The following POLR3A variants were observed in gnomAD, a reference collection of about 807,000 sequenced individuals.
POLR3A encodes RNA polymerase III subunit A, also known as DNA-directed RNA polymerase III subunit RPC1.
In POLR3A, 112 loss-of-function variants were observed where a neutral mutation model predicts 152.8. That is an observed-to-expected ratio of 0.73 (90% confidence interval 0.63 to 0.86). The LOEUF (loss-of-function observed/expected upper bound fraction) is 0.86. POLR3A is among the 40% of genes least tolerant of loss of function. POLR3A has a pLI of 0.00. For missense variants in POLR3A, 1,385 were observed against 1,743.1 expected (o/e 0.79, Z 3.66); for synonymous variants, 615 against 652.1 (o/e 0.94, Z 0.87).
chr10:77,998,109 G>C (rs1211883511), intron 19 of POLR3A, among the ~76,000 whole-genome samples: 3 of 152,162 alleles, frequency 2.0e-5, no homozygotes, highest in Non-Finnish European at 2.9e-5. Context: ...TATGTAGAAA[G>C]CTGAAACTGG....
chr10:77,996,845 C>T (rs1465185091), intron 19 of POLR3A, among the ~76,000 whole-genome samples: 1 of 152,154 alleles, frequency 6.6e-6, no homozygotes, highest in African/African-American at 2.4e-5. Context: ...CAAAGCCTGG[C>T]AGAGACACAA....
At chr10:77,989,425 A>T (rs185750259) in intron 21 of POLR3A, among the ~76,000 whole-genome samples, 1 of 152,306 alleles carries the variant, frequency 6.6e-6, no homozygotes, top group East Asian at 1.9e-4. Context: ...GGACCCTCTC[A>T]GCAAATCTGA....
intron 1 of POLR3A, among the ~76,000 whole-genome samples, chr10:78,027,587 G>C (rs1009534610): frequency 6.6e-6 from 1 of 151,846 alleles, no homozygotes; most frequent in African/African-American, 2.4e-5. Flanking sequence ...GTCTTGCTCT[G>C]TCACCCAGGC....
chr10:77,992,600 A>C (rs1222768731), intron 20 of POLR3A, among the ~76,000 whole-genome samples: 1 of 151,482 alleles, frequency 6.6e-6, no homozygotes, highest in Non-Finnish European at 1.5e-5. Flanking sequence ...GTACCACCAC[A>C]CCCAGCTAAT....
intron 10 of POLR3A, among the ~76,000 whole-genome samples, chr10:78,017,123 C>T (rs1847532006): frequency 6.6e-6 from 1 of 151,730 alleles, no homozygotes; most frequent in Non-Finnish European, 1.5e-5. Flanking sequence ...AAGAGGGAGA[C>T]CAATAGTTAT....
In POLR3A at chr10:78,008,312, T is replaced by C. The variant is rs553782278; in HGVS notation, c.1910-446A>G. 8.5e-5 allele frequency among the ~76,000 whole-genome samples: 13 copies of C among 152,298 alleles called. No individual in the cohort carries two copies. In the South Asian group the frequency reaches 2.3e-3, roughly 27 times the overall value. On this transcript the variant is annotated intron_variant, in intron 14 of 30. Transcript: ENST00000372371. ...CTATACAACAACCAAATGAAATTCA[T>C]ATCCAAAAAGAAACAAAACAGTCTA...
At chr10:77,985,399 G>T in intron 23 of POLR3A, 59 bp from the exon 24 acceptor site, 1 of 1,325,818 alleles carries the variant, frequency 7.5e-7, no homozygotes, top group Non-Finnish European at 1.1e-6. Context: ...CAGCAAAACT[G>T]CTGGGGAGAG....
chr10:78,010,336 CA>C, intron 12 of POLR3A, 134 bp downstream of exon 12: 1 of 785,508 alleles, frequency 1.3e-6, no homozygotes, highest in Admixed American at 2.0e-5. Flanking sequence ...GGTTCATGAT[CA>C]AACTTAGTAA....
chr10:78,024,456 G>A (rs2131960503), intron 5 of POLR3A, 93 bp downstream of exon 5: 1 of 1,303,220 alleles, frequency 7.7e-7, no homozygotes, highest in Non-Finnish European at 1.1e-6. Flanking sequence ...GTGTCTAGGG[G>A]TGGGGCGGAG....
Position 78,019,526 on chromosome 10 carries a change from G to A in POLR3A, c.1186-261C>T, listed in dbSNP as rs76419120. On this transcript the variant is annotated intron_variant, in intron 8 of 30. Transcript: ENST00000372371. ...TTTCCTGGTGCTTGGTTTCCTCACT[G>A]GTAAAACGGGTAGGCTAGACTGATC... is the stretch of plus-strand genomic sequence containing the variant. The A allele has an allele frequency of 1.6e-3, 863 of 524,524 alleles. 14 individuals are homozygous for A. In the East Asian group the frequency reaches 0.023, roughly 14 times the overall value. 32.5% of individuals were successfully genotyped at this position (524,524 alleles called of 1,614,324 possible).
chr10:78,006,225 C>T (rs1332203668), intron 15 of POLR3A, among the ~76,000 whole-genome samples: 6 of 151,326 alleles, frequency 4.0e-5, no homozygotes, highest in African/African-American at 1.2e-4. Context: ...GGTGAAACCC[C>T]GTCTCTACTA....
chr10:78,013,229 C>A, intron 11 of POLR3A: 1 of 280,480 alleles, frequency 3.6e-6, no homozygotes, highest in South Asian at 3.9e-5. Context: ...TCAGAATGTT[C>A]AATAAAATGT....
chr10:78,028,618 C>T (rs1025556590), intron 1 of POLR3A, among the ~76,000 whole-genome samples: 5 of 151,992 alleles, frequency 3.3e-5, no homozygotes, highest in African/African-American at 1.2e-4. Context: ...ATTTTTCGGC[C>T]TCAGCCTCCC....
chr10:77,980,811 C>T (rs572881154), intron 29 of POLR3A, among the ~76,000 whole-genome samples: 74 of 152,296 alleles, frequency 4.9e-4, no homozygotes, highest in Non-Finnish European at 8.8e-4. Context: ...CAGAAGACAT[C>T]GAACCGACAG....
At position 77,982,782 on chromosome 10, in the gene POLR3A, T is replaced by G; in HGVS notation, c.3465A>C (p.Thr1155=). The change falls in exon 27 of 31, where the codon ACA becomes ACC. Residue 1155 remains threonine, a synonymous_variant. Coordinates refer to ENST00000372371, the MANE Select transcript of POLR3A (RefSeq NM_007055.4). ...NAETVRYSIC[T]SKLRVKPGDV... ...CACCGGGCTTCACACGGAGCTTGGA[T>G]GTGCAGATGGAATATCTCACTGTCT... 6.2e-7 allele frequency: 1 copy of G among 1,614,098 alleles called. No homozygotes were observed. The highest frequency in any genetic ancestry group is 8.5e-7 in the Non-Finnish European group (1 of 1,180,006).
intron 30 of POLR3A, 112 bp downstream of exon 30, chr10:77,980,029 A>T: frequency 1.0e-6 from 1 of 997,222 alleles, no homozygotes; most frequent in South Asian, 1.3e-5. Flanking sequence ...ATTATTCTTG[A>T]AAAAATAAAC....
intron 13 of POLR3A, 89 bp downstream of exon 13, chr10:78,009,775 A>G (rs1445526589): frequency 4.0e-5 from 65 of 1,609,536 alleles, no homozygotes; most frequent in Non-Finnish European, 5.1e-5. Flanking sequence ...ACTCAAGCCT[A>G]GCACCAACAC....
At chr10:78,028,329 C>G (rs1847656973) in intron 1 of POLR3A, among the ~76,000 whole-genome samples, 1 of 152,128 alleles carries the variant, frequency 6.6e-6, no homozygotes, top group Non-Finnish European at 1.5e-5. Context: ...TGCCTGGACC[C>G]ATTATGTGCT....
intron 19 of POLR3A, among the ~76,000 whole-genome samples, chr10:77,995,170 A>G (rs1847287482): frequency 6.6e-6 from 1 of 152,232 alleles, no homozygotes; most frequent in Non-Finnish European, 1.5e-5. Flanking sequence ...AGCACTAAAC[A>G]TGGAAAGGAA....
Sources: gnomAD v4.1 joint callset for allele counts (sites outside exome capture counted in the v4.1 genomes callset) on GRCh38, gnomAD v4.1.1 for gene constraint, MANE v1.5 for transcripts, NCBI Gene and HGNC (gene_info 2026-07-23, HGNC 2026-07-21) for gene names.